GAS2: variants seen among roughly 807,000 people sequenced by gnomAD.
GAS2 encodes growth arrest specific 2.
A neutral mutation model predicts 37.5 loss-of-function variants in GAS2; 20 were observed. The ratio of observed to expected loss-of-function variants is 0.53; its 90% confidence interval spans 0.37 to 0.77. The LOEUF is 0.77. Among genes scored for constraint, GAS2 ranks in the 30% least tolerant of loss-of-function variants. The pLI, the probability that GAS2 is intolerant of heterozygous loss-of-function variation, is 0.00. For synonymous variants in GAS2, 144 were observed against 132.2 expected (o/e 1.09, Z -0.61); for missense variants, 336 against 373.4 (o/e 0.90, Z 0.82).
At chr11:22,657,929 C>A (rs999345262) in intron 1 of GAS2, among the ~76,000 whole-genome samples, 1 of 151,922 alleles carries the variant, frequency 6.6e-6, no homozygotes, top group Non-Finnish European at 1.5e-5. Flanking sequence ...TTTATAATTT[C>A]TACTTTTGTT....
intron 3 of GAS2, among the ~76,000 whole-genome samples, chr11:22,687,030 A>G (rs879682862): frequency 9.9e-5 from 15 of 152,258 alleles, no homozygotes; most frequent in Non-Finnish European, 1.6e-4. Context: ...TTTTAAAAAA[A>G]TGCTGAGAGC....
chr11:22,730,123 A>G (rs1334044672), intron 4 of GAS2, among the ~76,000 whole-genome samples: 1 of 151,862 alleles, frequency 6.6e-6, no homozygotes, highest in African/African-American at 2.4e-5. Flanking sequence ...ATGGGAAAAT[A>G]TGATATATGA....
intron 3 of GAS2, among the ~76,000 whole-genome samples, chr11:22,692,560 G>A (rs1321745439): frequency 1.3e-5 from 2 of 152,180 alleles, no homozygotes; most frequent in Non-Finnish European, 2.9e-5. Context: ...ACTGACAGAT[G>A]AGAGAGAAAT....
chr11:22,724,759 G>A (rs1222699212), intron 3 of GAS2, among the ~76,000 whole-genome samples: 1 of 152,014 alleles, frequency 6.6e-6, no homozygotes, highest in Non-Finnish European at 1.5e-5. Flanking sequence ...TTGCAACAAA[G>A]AGATGGATCT....
At chr11:22,690,605 A>C (rs1850195497) in intron 3 of GAS2, among the ~76,000 whole-genome samples, 1 of 152,196 alleles carries the variant, frequency 6.6e-6, no homozygotes, top group Non-Finnish European at 1.5e-5. Context: ...CACTGTAATT[A>C]CAAATCTTAA....
chr11:22,762,529 T>A (rs191518228), intron 7 of GAS2, among the ~76,000 whole-genome samples: 34 of 152,282 alleles, frequency 2.2e-4, no homozygotes, highest in Admixed American at 1.7e-3. Context: ...AATGCAAATA[T>A]CTTATTCAAA....
chr11:22,753,013 G>C (rs189900953), intron 6 of GAS2, among the ~76,000 whole-genome samples: 2 of 152,038 alleles, frequency 1.3e-5, no homozygotes, highest in African/African-American at 4.8e-5. Flanking sequence ...TCCTCTTCGC[G>C]AGCTAGTTCT....
At chr11:22,715,095 A>G (rs1018968672) in intron 3 of GAS2, among the ~76,000 whole-genome samples, 2 of 152,204 alleles carry the variant, frequency 1.3e-5, no homozygotes, top group Non-Finnish European at 2.9e-5. Context: ...TTGAAAGGAT[A>G]AACAAAATTG....
chr11:22,675,656 T>C lies in GAS2; in HGVS notation c.145+642T>C, dbSNP rs562084478. On this transcript the variant is annotated intron_variant, in intron 2 of 7. Coordinates refer to ENST00000454584, the MANE Select transcript of GAS2 (RefSeq NM_001143830.3). Reference sequence around the variant, plus strand: ...GATAAAATTTCAACTATGTGAAAAATAGAATCACATGTTTAAAGGATCATC... The same window carrying C: ...GATAAAATTTCAACTATGTGAAAAACAGAATCACATGTTTAAAGGATCATC... Among the ~76,000 whole-genome samples the C allele has an allele frequency of 7.9e-4, 117 of 147,196 alleles. 1 individual carries two copies. The highest frequency in any genetic ancestry group is 2.7e-3 in the African/African-American group (110 of 40,606).
At chr11:22,799,916 G>A (rs1856586926) in intron 7 of GAS2, among the ~76,000 whole-genome samples, 1 of 152,054 alleles carries the variant, frequency 6.6e-6, no homozygotes, top group Non-Finnish European at 1.5e-5. Context: ...ACAAATATTT[G>A]TTGAATGATC....
chr11:22,695,122 C>A (rs1425412459), intron 3 of GAS2, among the ~76,000 whole-genome samples: 1 of 151,936 alleles, frequency 6.6e-6, no homozygotes, highest in East Asian at 1.9e-4. Context: ...GAGTTTGAGA[C>A]CAGCCTGGCC....
intron 7 of GAS2, among the ~76,000 whole-genome samples, chr11:22,810,763 A>T (rs1857119997): frequency 6.6e-6 from 1 of 151,866 alleles, no homozygotes; most frequent in Admixed American, 6.6e-5. Context: ...TGAAAGTGGT[A>T]AGAACAAGTG....
At chr11:22,715,329 C>T (rs1851613767) in intron 3 of GAS2, among the ~76,000 whole-genome samples, 1 of 151,482 alleles carries the variant, frequency 6.6e-6, no homozygotes, top group African/African-American at 2.4e-5. Flanking sequence ...AGTGTGGTGG[C>T]ACGTGCCTGT....
intron 3 of GAS2, among the ~76,000 whole-genome samples, chr11:22,713,083 A>G (rs1430526190): frequency 6.6e-6 from 1 of 151,338 alleles, no homozygotes; most frequent in African/African-American, 2.4e-5. Context: ...AAAAAAAAGA[A>G]AAGAAAAGAA....
At chr11:22,792,081 C>T (rs1201510725) in intron 7 of GAS2, among the ~76,000 whole-genome samples, 1 of 152,180 alleles carries the variant, frequency 6.6e-6, no homozygotes, top group Non-Finnish European at 1.5e-5. Flanking sequence ...CATATCATTG[C>T]ACACAGTGGG....
At chr11:22,686,154 CA>C (rs1186974894) in intron 3 of GAS2, among the ~76,000 whole-genome samples, 1 of 152,052 alleles carries the variant, frequency 6.6e-6, no homozygotes, top group Admixed American at 6.6e-5. Context: ...TCTTTGTTTT[CA>C]AAAATATTAT....
intron 7 of GAS2, among the ~76,000 whole-genome samples, chr11:22,804,524 A>G (rs1381933842): frequency 6.6e-6 from 1 of 152,138 alleles, no homozygotes; most frequent in Non-Finnish European, 1.5e-5. Context: ...AGCAAAGTGT[A>G]CTGTAGGTTG....
At chr11:22,742,817 A>T (rs1225238011) in intron 5 of GAS2, among the ~76,000 whole-genome samples, 3 of 152,138 alleles carry the variant, frequency 2.0e-5, no homozygotes, top group African/African-American at 7.2e-5. Context: ...AAAAAAATTT[A>T]AAAATTATGC....
chr11:22,661,860 T>G (rs577208004), upstream of GAS2, among the ~76,000 whole-genome samples: 160 of 152,312 alleles, frequency 1.1e-3, no homozygotes, highest in African/African-American at 3.8e-3. Flanking sequence ...TACAGTCAGA[T>G]TTTTTTAAAA....
Sources: allele counts gnomAD v4.1 joint callset (sites outside exome capture counted in the v4.1 genomes callset), GRCh38; gene constraint gnomAD v4.1.1; transcripts MANE v1.5; gene names NCBI Gene and HGNC (gene_info 2026-07-23, HGNC 2026-07-21).